The following ZNF407 variants were observed in gnomAD, a reference collection of about 807,000 sequenced individuals.
ZNF407 encodes zinc finger protein 407.
A neutral mutation model predicts 131.2 loss-of-function variants in ZNF407; 17 were observed. The observed-to-expected ratio is 0.13, with a 90% CI of 0.09 to 0.19. The LOEUF is 0.19. Among genes scored for constraint, ZNF407 ranks in the 10% least tolerant of loss-of-function variants. The pLI, the probability that ZNF407 is intolerant of heterozygous loss-of-function variation, is 1.00. For synonymous variants in ZNF407, 1,156 were observed against 1,062.0 expected (o/e 1.09, Z -1.72); for missense variants, 2,681 against 2,830.6 (o/e 0.95, Z 1.20).
chr18:75,041,026 T>C (rs1163182314), intron 8 of ZNF407, among the ~76,000 whole-genome samples: 1 of 152,184 alleles, frequency 6.6e-6, no homozygotes, highest in Non-Finnish European at 1.5e-5. Context: ...CTTCCCCGTG[T>C]TAAGCATTGC....
chr18:75,023,584 T>C (rs1973137114), intron 8 of ZNF407, among the ~76,000 whole-genome samples: 1 of 152,166 alleles, frequency 6.6e-6, no homozygotes, highest in South Asian at 2.1e-4. Context: ...ACCCTCTGAT[T>C]TAACTGCCGA....
At chr18:74,941,436 C>G (rs1008879870) in intron 8 of ZNF407, among the ~76,000 whole-genome samples, 1 of 152,164 alleles carries the variant, frequency 6.6e-6, no homozygotes, top group Non-Finnish European at 1.5e-5. Context: ...CATGTAGCTC[C>G]AGCTTGTAGT....
intron 8 of ZNF407, among the ~76,000 whole-genome samples, chr18:74,922,826 G>A (rs1356631163): frequency 5.3e-5 from 8 of 152,156 alleles, no homozygotes; most frequent in Non-Finnish European, 7.4e-5. Flanking sequence ...CTGTGCAGCT[G>A]TAGGCATGAC....
intron 2 of ZNF407, among the ~76,000 whole-genome samples, chr18:74,637,362 T>G (rs572478839): frequency 6.6e-6 from 1 of 152,330 alleles, no homozygotes; most frequent in East Asian, 1.9e-4. Flanking sequence ...TAGTCTTCCT[T>G]GACTATATGT....
chr18:74,733,190 G>C (rs1457586538), intron 3 of ZNF407, among the ~76,000 whole-genome samples: 1 of 151,888 alleles, frequency 6.6e-6, no homozygotes, highest in Admixed American at 6.6e-5. Flanking sequence ...GCATTAAAAG[G>C]TGCTTTATGC....
intron 8 of ZNF407, among the ~76,000 whole-genome samples, chr18:75,055,470 A>G (rs1973551219): frequency 1.3e-5 from 2 of 152,244 alleles, no homozygotes; most frequent in Non-Finnish European, 2.9e-5. Context: ...TTCCTGAGTG[A>G]GATTTGTGTG....
chr18:74,774,717 C>T (rs190805034), intron 3 of ZNF407, among the ~76,000 whole-genome samples: 127 of 152,252 alleles, frequency 8.3e-4, no homozygotes, highest in Non-Finnish European at 1.5e-3. Flanking sequence ...ATGAAGGAGA[C>T]GTGACGAAAC....
At chr18:74,768,377 G>C (rs1969288907) in intron 3 of ZNF407, among the ~76,000 whole-genome samples, 3 of 152,284 alleles carry the variant, frequency 2.0e-5, no homozygotes, top group Middle Eastern at 3.4e-3. Flanking sequence ...TGATCGTAGT[G>C]TCAATTTACA....
intron 3 of ZNF407, among the ~76,000 whole-genome samples, chr18:74,741,051 G>A (rs180957478): frequency 6.8e-4 from 103 of 152,274 alleles, no homozygotes; most frequent in Admixed American, 3.0e-3. Context: ...ATCACAGGAA[G>A]TTTGAGATTA....
chr18:74,995,670 G>A (rs540073264), intron 8 of ZNF407, among the ~76,000 whole-genome samples: 129 of 152,232 alleles, frequency 8.5e-4, no homozygotes, highest in Non-Finnish European at 1.2e-3. Context: ...AGAGGCTTTG[G>A]TGGGAGAGGC....
intron 4 of ZNF407, chr18:74,804,208 A>ATTTGTGT (rs1970072464): frequency 3.0e-6 from 4 of 1,329,772 alleles, no homozygotes; most frequent in Non-Finnish European, 3.9e-6. Flanking sequence ...GTAAATCATC[A>ATTTGTGT]CACAAATGTA....
chr18:74,626,681 A>G (rs888546211), intron 1 of ZNF407, among the ~76,000 whole-genome samples: 6 of 152,254 alleles, frequency 3.9e-5, no homozygotes, highest in African/African-American at 1.4e-4. Flanking sequence ...GTATCTATTC[A>G]GTATACTACA....
intron 8 of ZNF407, among the ~76,000 whole-genome samples, chr18:74,996,359 T>G (rs774678729): frequency 3.3e-5 from 5 of 152,258 alleles, no homozygotes; most frequent in Non-Finnish European, 5.9e-5. Flanking sequence ...GAGAAACGCT[T>G]ATCACTTATT....
chr18:74,948,830 A>G (rs2145276964), intron 8 of ZNF407, among the ~76,000 whole-genome samples: 1 of 152,360 alleles, frequency 6.6e-6, no homozygotes, highest in Non-Finnish European at 1.5e-5. Flanking sequence ...TGGCCTTAAA[A>G]TAAGATTTCA....
intron 3 of ZNF407, among the ~76,000 whole-genome samples, chr18:74,682,383 T>C (rs1414607827): frequency 6.6e-6 from 1 of 152,170 alleles, no homozygotes; most frequent in African/African-American, 2.4e-5. Flanking sequence ...TGTCCTCCCT[T>C]TTTTCTACGG....
intron 4 of ZNF407, among the ~76,000 whole-genome samples, chr18:74,852,583 A>G (rs1970804993): frequency 6.6e-6 from 1 of 152,192 alleles, no homozygotes; most frequent in African/African-American, 2.4e-5. Context: ...AGTATCTGGT[A>G]GAGTTTTGTA....
intron 4 of ZNF407, among the ~76,000 whole-genome samples, chr18:74,824,994 A>G (rs1415278277): frequency 6.6e-6 from 1 of 152,232 alleles, no homozygotes; most frequent in Non-Finnish European, 1.5e-5. Flanking sequence ...CCAGCAGCAC[A>G]TCAAAAAGCT....
intron 1 of ZNF407, among the ~76,000 whole-genome samples, chr18:74,630,275 A>G (rs1403737818): frequency 2.8e-5 from 4 of 145,326 alleles, no homozygotes; most frequent in African/African-American, 5.2e-5. Flanking sequence ...GGTTCACGCC[A>G]TTCTCCTGCC....
chr18:74,927,587 T>C (rs1971930584), intron 8 of ZNF407, among the ~76,000 whole-genome samples: 1 of 152,188 alleles, frequency 6.6e-6, no homozygotes, highest in Admixed American at 6.5e-5. Flanking sequence ...CTCAAGCATT[T>C]TGTGTCTGTT....
Sources: gnomAD v4.1 joint callset for allele counts (sites outside exome capture counted in the v4.1 genomes callset) on GRCh38, gnomAD v4.1.1 for gene constraint, MANE v1.5 for transcripts, NCBI Gene and HGNC (gene_info 2026-07-23, HGNC 2026-07-21) for gene names.